The following PIGQ variants were observed in gnomAD, a reference collection of about 807,000 sequenced individuals.
PIGQ encodes the protein phosphatidylinositol glycan anchor biosynthesis class Q.
PIGQ carries 54 observed loss-of-function variants against 60.3 expected under a neutral mutation model. That is an observed-to-expected ratio of 0.90 (90% CI 0.72 to 1.12). The LOEUF (loss-of-function observed/expected upper bound fraction) is 1.12. Among genes scored for constraint, PIGQ ranks in the 50% most tolerant of loss-of-function variants. The pLI is 0.00. For synonymous variants in PIGQ, 416 were observed against 363.7 expected, an observed-to-expected ratio of 1.14 and a Z score of -1.64; for missense variants, 799 against 793.5, an observed-to-expected ratio of 1.01 and a Z score of -0.08.
chr16:576,007 G>T (rs777308943), intron 3 of PIGQ, 37 bp downstream of exon 3: 4 of 1,560,316 alleles, frequency 2.6e-6, no homozygotes, highest in Non-Finnish European at 3.5e-6. Flanking sequence ...GGCTGGGTGC[G>T]TGCCCTCTGG....
intron 4 of PIGQ, 158 bp downstream of exon 4, chr16:576,412 T>C (rs1349062777): frequency 1.1e-6 from 1 of 894,714 alleles, no homozygotes; most frequent in Non-Finnish European, 1.7e-6. Flanking sequence ...AAGCAGGAAC[T>C]CCAGGGGCGC....
At position 583,424 on chromosome 16, in the gene PIGQ, C is replaced by T. The variant is rs762965232; in HGVS notation, c.*389C>T. ...AGGGCTGGTCTCCCTGGGGGCTCCC[C>T]AGTGGCTCTGCCCTGGCTGTGGGGG... On this transcript the variant is annotated 3_prime_UTR_variant, in exon 11 of 11. Coordinates refer to ENST00000321878, the MANE Select transcript of PIGQ (RefSeq NM_004204.5). 2.5e-6 allele frequency: 4 copies of T among 1,612,780 alleles called. No individual in the cohort carries two copies. In the South Asian group the frequency reaches 4.4e-5, roughly 18 times the overall value.
At chr16:580,030 G>C (rs2035787397) in intron 7 of PIGQ, 153 bp from the exon 8 acceptor site, 3 of 556,454 alleles carry the variant, frequency 5.4e-6, no homozygotes, top group African/African-American at 1.9e-5. Context: ...CAGCCCTCCT[G>C]CTACTGGGAC....
In PIGQ at chr16:583,125, T is replaced by C. The variant is rs1045277; in HGVS notation, c.*90T>C. On this transcript the variant is annotated 3_prime_UTR_variant, in exon 11 of 11. Coordinates refer to ENST00000321878, the MANE Select transcript of PIGQ (RefSeq NM_004204.5). ...GCACCAGCTCAGCTGGCGCATGTCC[T>C]GTGCTTTGTGGACGCTGCTGTGTGC... The C allele has an allele frequency of 0.45, 724,683 of 1,612,980 alleles. 167,361 individuals carry two copies. The highest frequency in any genetic ancestry group is 0.66 in the East Asian group (29,791 of 44,878).
At position 574,111 on chromosome 16, in the gene PIGQ, TCGA is replaced by T. The variant is rs1416015409; in HGVS notation, c.40_42del (p.Thr14del). ...GGCCTTCTTCCCCACGTGCTGCGTC[TCGA>T]CGGACAGCGGGCTGCTGGTGGGACG... On this transcript the variant is annotated inframe_deletion, in exon 2 of 11. Transcript: ENST00000321878. 2.5e-6 allele frequency: 4 copies of T among 1,610,128 alleles called. No individual in the cohort carries two copies. The East Asian group carries it at 8.9e-5, about 36-fold the overall frequency.
chr16:581,948 C>T (rs1378568785), intron 9 of PIGQ: 18 of 420,222 alleles, frequency 4.3e-5, no homozygotes, highest in East Asian at 3.8e-4. Flanking sequence ...ATTTTTAGTA[C>T]GTATGGGGTT....
At chr16:576,590 C>G (rs924003609) in intron 4 of PIGQ, 15 of 498,654 alleles carry the variant, frequency 3.0e-5, no homozygotes, top group African/African-American at 1.5e-4. Flanking sequence ...CCTCCTGGCT[C>G]TCTGGGGCCC....
rs2035808242 is a variant in PIGQ at position 581,468 on chromosome 16, C to T, written c.1531+496C>T. The T allele has an allele frequency of 1.8e-5, 8 of 442,036 alleles. 1 individual carries two copies. The South Asian group carries it at 4.0e-4, about 22-fold the overall frequency. The allele number at this position is 442,036 out of a possible 1,614,324, so 27.4% of individuals were successfully genotyped here. A position where few individuals can be genotyped will look rare whatever the true frequency, so the allele number is the denominator to read the frequency against. On this transcript the variant is annotated intron_variant, in intron 9 of 10. Coordinates refer to ENST00000321878, the MANE Select transcript of PIGQ (RefSeq NM_004204.5). ...TTCTTTCAGTGGAGTCTGCAGGAGG[C>T]TTTTTTTTTTTTGAGACGGAGTCTC...
intron 4 of PIGQ, 73 bp downstream of exon 4, chr16:576,327 G>A (rs1315890866): frequency 1.1e-5 from 16 of 1,471,328 alleles, no homozygotes; most frequent in South Asian, 2.6e-5. Flanking sequence ...GAGCCTTCCC[G>A]GGCCAGAGCC....
rs781689238 is a variant in PIGQ, at chr16:578,364, CCT to C, written c.943-14_943-13del. ...TGGCTGCCCCCGCCCCAGCGTGGCC[CCT>C]GTGTCCCTGCAGCACGTGGCCGAGG... On this transcript the variant is annotated splice_polypyrimidine_tract_variant and intron_variant, in intron 4 of 10. Transcript: ENST00000321878. 2.6e-5 allele frequency: 42 copies of C among 1,604,760 alleles called. No homozygotes were observed. The highest frequency in any genetic ancestry group is 3.3e-5 in the South Asian group (3 of 90,672).
rs754210132 is a variant in PIGQ, at chr16:582,280, G to T, written c.1564G>T (p.Ala522Ser). The change falls in exon 10 of 11, where the codon GCC becomes TCC. Residue 522 changes from alanine to serine, a missense_variant. Ala to Ser is a moderately conservative substitution (Grantham distance 99, BLOSUM62 1). Transcript: ENST00000321878. Reference protein sequence around the residue: ...GVKFRVLRHEAGRPLRLLMQI... With the variant: ...GVKFRVLRHESGRPLRLLMQI... Reference sequence around the variant, plus strand: ...GAAGTTCCGTGTCCTCCGGCACGAGGCCGGCAGGCCCCTCCGCCTCCTGAT... The same window carrying T: ...GAAGTTCCGTGTCCTCCGGCACGAGTCCGGCAGGCCCCTCCGCCTCCTGAT... 1.6e-5 allele frequency: 25 copies of T among 1,605,020 alleles called. No homozygotes were observed. The highest frequency in any genetic ancestry group is 2.0e-5 in the Non-Finnish European group (23 of 1,175,238).
Position 579,149 on chromosome 16 carries a change from G to A in PIGQ, c.1304G>A (p.Arg435His), listed in dbSNP as rs373157276. ...AAGAAGTGGAACGTTCTGCGCCAGC[G>A]CGTGGACTCCTGTTCCTATGACCTG... is the stretch of plus-strand genomic sequence containing the variant. The part of the protein sequence containing the change: ...RGKKWNVLRQ[R>H]VDSCSYDLDQ... Residue 435 changes from arginine (R) to histidine (H), a missense_variant, in exon 7 of 11, where the codon CGC becomes CAC. Arg to His is a conservative substitution (Grantham distance 29, BLOSUM62 0). Transcript: ENST00000321878. 1.2e-6 allele frequency: 2 copies of A among 1,612,922 alleles called. No homozygotes were observed. The highest frequency in any genetic ancestry group is 1.1e-5 in the South Asian group (1 of 91,082).
rs145559898 is a variant in PIGQ at position 583,145 on chromosome 16, G to A, written c.*110G>A. 6.2e-7 allele frequency: 1 copy of A among 1,613,322 alleles called. No homozygotes were observed. The highest frequency in any genetic ancestry group is 1.7e-5 in the Admixed American group (1 of 60,018). ...TGTCCTGTGCTTTGTGGACGCTGCTGTGTGCTCCTGAACACGGCAGGCCCT... is the reference window on the plus strand; with the variant it reads ...TGTCCTGTGCTTTGTGGACGCTGCTATGTGCTCCTGAACACGGCAGGCCCT... On this transcript the variant is annotated 3_prime_UTR_variant, in exon 11 of 11. Transcript: ENST00000321878.
Position 580,932 on chromosome 16 carries a change from C to T in PIGQ, c.1491C>T (p.Tyr497=), listed in dbSNP as rs780248545. The change falls in exon 9 of 11, where the codon TAC becomes TAT. Residue 497 remains tyrosine, a synonymous_variant. Transcript: ENST00000321878. ...ACCTCATCAACTCCCTGCCGCTGTA[C>T]TCACTGGGTCTTCGGCTCTGCCGGC... ...LVDLINSLPL[Y]SLGLRLCRPY... is the part of the protein sequence containing the mutation. The T allele has an allele frequency of 7.4e-6, 12 of 1,610,850 alleles. No homozygotes were observed. The East Asian group carries it at 2.5e-4, about 33-fold the overall frequency.
At position 578,250 on chromosome 16, in the gene PIGQ, G is replaced by T. The variant is rs188997312; in HGVS notation, c.943-129G>T. ...GAAGGGGAGCCCGTGTGCTGTCCAC[G>T]CTAGGACGCGGTAGACCCTGGAGGA... is the stretch of plus-strand genomic sequence containing the variant. On this transcript the variant is annotated intron_variant, in intron 4 of 10. Coordinates refer to ENST00000321878, the MANE Select transcript of PIGQ (RefSeq NM_004204.5). The T allele has an allele frequency of 3.0e-5, 28 of 937,810 alleles. No individual in the cohort carries two copies. In the African/African-American group the frequency reaches 4.5e-4, roughly 15 times the overall value. The allele number at this position is 937,810 out of a possible 1,614,324, so 58.1% of individuals were successfully genotyped here.
At chr16:571,434 CTG>C (rs3074406) in intron 1 of PIGQ, among the ~76,000 whole-genome samples, 53 of 74,942 alleles carry the variant, frequency 7.1e-4, no homozygotes, top group Middle Eastern at 0.014. Context: ...TCTGGTTAGC[CTG>C]TGTGTGTGTG....
At position 583,826 on chromosome 16, in the gene PIGQ, C is replaced by T. The variant is rs1268503162; in HGVS notation, c.*791C>T. On this transcript the variant is annotated 3_prime_UTR_variant, in exon 11 of 11. Transcript: ENST00000321878. ...GGAGGAAGCCCTGCTGTGCAGACACCTCTGTGGCCCCCCAGGAGTGTGAGT... is the reference window on the plus strand; with the variant it reads ...GGAGGAAGCCCTGCTGTGCAGACACTTCTGTGGCCCCCCAGGAGTGTGAGT... 4.3e-6 allele frequency: 3 copies of T among 691,724 alleles called. No individual in the cohort carries two copies. Among genetic ancestry groups the T allele is most frequent in the African/African-American group, 1.8e-5 (1 of 56,984 alleles). The allele number at this position is 691,724 out of a possible 1,614,324, so 42.8% of individuals were successfully genotyped here.
Position 579,050 on chromosome 16 carries a change from A to G in PIGQ, c.1224-19A>G. ...GCGGGGCGGGGCGGGGCCGGGCCCGACAGCACTGCGTCCTGTAGGCTGTAC... is the reference window on the plus strand; with the variant it reads ...GCGGGGCGGGGCGGGGCCGGGCCCGGCAGCACTGCGTCCTGTAGGCTGTAC... On this transcript the variant is annotated intron_variant, in intron 6 of 10. Coordinates refer to ENST00000321878, the MANE Select transcript of PIGQ (RefSeq NM_004204.5). The G allele has an allele frequency of 6.2e-7, 1 of 1,605,064 alleles. No individual in the cohort carries two copies. The highest frequency in any genetic ancestry group is 8.5e-7 in the Non-Finnish European group (1 of 1,175,090).
chr16:571,040 T>C (rs1403476548), intron 1 of PIGQ, among the ~76,000 whole-genome samples: 3 of 7,896 alleles, frequency 3.8e-4, no homozygotes, highest in African/African-American at 9.6e-4. Context: ...CTGGCGCCCG[T>C]GTGTGTGTGT....
Sources: gnomAD v4.1 joint callset for allele counts (sites outside exome capture counted in the v4.1 genomes callset) on GRCh38, gnomAD v4.1.1 for gene constraint, MANE v1.5 for transcripts, NCBI Gene and HGNC (gene_info 2026-07-23, HGNC 2026-07-21) for gene names.